Variants in TAFA2 observed in about 807,000 individuals in gnomAD.
The protein encoded by TAFA2 is chemokine-like protein TAFA-2.
In TAFA2, 7 loss-of-function variants were observed where a neutral mutation model predicts 18.8. The observed-to-expected ratio is 0.37, with a 90% confidence interval of 0.21 to 0.70. The LOEUF (loss-of-function observed/expected upper bound fraction) is 0.70, where lower values mean the gene tolerates loss of function less well. Ranked by LOEUF, TAFA2 falls within the 30% of genes least tolerant of loss-of-function variation. The pLI is 0.53. For missense variants in TAFA2, 122 were observed against 158.1 expected (o/e 0.77, Z 1.23); for synonymous variants, 60 against 54.2 (o/e 1.11, Z -0.47).
At chr12:62,091,599 C>G (rs1227943768) in intron 1 of TAFA2, among the ~76,000 whole-genome samples, 1 of 151,908 alleles carries the variant, frequency 6.6e-6, no homozygotes, top group Non-Finnish European at 1.5e-5. Flanking sequence ...ACTGATAGGT[C>G]AGTTGATACT....
intron 1 of TAFA2, among the ~76,000 whole-genome samples, chr12:61,873,793 G>A (rs1029820485): frequency 2.0e-5 from 3 of 152,088 alleles, no homozygotes; most frequent in African/African-American, 7.2e-5. Context: ...CACTATGCCT[G>A]AATATAGAAT....
At chr12:62,210,808 G>C (rs1392891222) in intron 1 of TAFA2, among the ~76,000 whole-genome samples, 2 of 152,126 alleles carry the variant, frequency 1.3e-5, no homozygotes, top group African/African-American at 4.8e-5. Context: ...AAATGAGATA[G>C]AACATAATCG....
At chr12:61,715,070 A>T (rs1869585090) in intron 4 of TAFA2, among the ~76,000 whole-genome samples, 2 of 152,190 alleles carry the variant, frequency 1.3e-5, no homozygotes, top group Admixed American at 6.5e-5. Flanking sequence ...TTGTCCCATT[A>T]AATGGCTTTT....
chr12:62,079,407 C>A (rs1868286060), intron 1 of TAFA2, among the ~76,000 whole-genome samples: 1 of 151,562 alleles, frequency 6.6e-6, no homozygotes, highest in Admixed American at 6.6e-5. Flanking sequence ...AATCCCAGCA[C>A]TTTGGGAGGC....
chr12:61,720,776 C>A, intron 4 of TAFA2: 1 of 397,096 alleles, frequency 2.5e-6, no homozygotes, highest in Non-Finnish European at 5.0e-6. Context: ...CCTTAGAATC[C>A]GACCAACACT....
In TAFA2 at chr12:61,737,319, G is replaced by A. The variant is rs534172851; in HGVS notation, c.384+16303C>T. On this transcript the variant is annotated intron_variant, in intron 4 of 4. Transcript: ENST00000416284. Reference sequence around the variant, plus strand: ...TGCCTAAAATTGAAACATGAAAATTGCATATCTTTTTCAATTTCTCCTAAC... The same window carrying A: ...TGCCTAAAATTGAAACATGAAAATTACATATCTTTTTCAATTTCTCCTAAC... Among the ~76,000 whole-genome samples, 8 of 151,698 alleles carry A rather than the reference G, an allele frequency of 5.3e-5. 1 individual carries two copies. Among genetic ancestry groups the A allele is most frequent in the African/African-American group, 1.7e-4 (7 of 41,416 alleles).
At chr12:62,018,815 T>C (rs1395162677) in intron 1 of TAFA2, among the ~76,000 whole-genome samples, 1 of 152,130 alleles carries the variant, frequency 6.6e-6, no homozygotes, top group Non-Finnish European at 1.5e-5. Flanking sequence ...AAAGCCAAAA[T>C]TGACAAATGG....
At chr12:61,728,191 A>G (rs1870264992) in intron 4 of TAFA2, among the ~76,000 whole-genome samples, 1 of 152,012 alleles carries the variant, frequency 6.6e-6, no homozygotes, top group Non-Finnish European at 1.5e-5. Flanking sequence ...AATAGAATGT[A>G]TATTGTGCAG....
intron 1 of TAFA2, chr12:62,258,135 A>T (rs2062949371): frequency 6.6e-6 from 1 of 152,166 alleles, no homozygotes; most frequent in South Asian, 2.1e-4. Flanking sequence ...AAATCATGTG[A>T]TTGCTGTGAG....
At chr12:61,999,144 C>T (rs1364984692) in intron 1 of TAFA2, among the ~76,000 whole-genome samples, 1 of 152,130 alleles carries the variant, frequency 6.6e-6, no homozygotes, top group Non-Finnish European at 1.5e-5. Flanking sequence ...TGAGAGGAAA[C>T]AGTTCTATTT....
intron 1 of TAFA2, among the ~76,000 whole-genome samples, chr12:61,891,509 G>C (rs1417601205): frequency 6.6e-6 from 1 of 152,150 alleles, no homozygotes; most frequent in Non-Finnish European, 1.5e-5. Flanking sequence ...TTAGCTGGGT[G>C]TGGTGGCGCA....
intron 1 of TAFA2, among the ~76,000 whole-genome samples, chr12:62,172,391 T>C (rs1175638794): frequency 5.9e-5 from 9 of 152,160 alleles, no homozygotes; most frequent in African/African-American, 1.9e-4. Context: ...TCGATGTAAA[T>C]TGAAGTTGTG....
At chr12:62,098,381 T>A (rs971695479) in intron 1 of TAFA2, among the ~76,000 whole-genome samples, 1 of 152,074 alleles carries the variant, frequency 6.6e-6, no homozygotes, top group African/African-American at 2.4e-5. Context: ...TAAACGGATA[T>A]GAAGAGAAAA....
chr12:61,995,704 G>A (rs1421664705), intron 1 of TAFA2, among the ~76,000 whole-genome samples: 1 of 152,048 alleles, frequency 6.6e-6, no homozygotes, highest in Non-Finnish European at 1.5e-5. Flanking sequence ...ATTCAGAATA[G>A]GCACATCAAA....
At chr12:62,020,803 G>C (rs994579015) in intron 1 of TAFA2, among the ~76,000 whole-genome samples, 11 of 152,050 alleles carry the variant, frequency 7.2e-5, no homozygotes, top group African/African-American at 2.7e-4. Flanking sequence ...TATCACAATG[G>C]CCAAAATTTT....
chr12:62,197,996 G>A (rs149368153), intron 1 of TAFA2, among the ~76,000 whole-genome samples: 4 of 152,236 alleles, frequency 2.6e-5, no homozygotes, highest in African/African-American at 9.6e-5. Flanking sequence ...TCATATGGTA[G>A]GGTATGTTTA....
chr12:62,124,591 A>G (rs1870369835), intron 1 of TAFA2, among the ~76,000 whole-genome samples: 1 of 152,308 alleles, frequency 6.6e-6, no homozygotes, highest in Middle Eastern at 3.4e-3. Context: ...AGAATGGTTA[A>G]ATTGGCCTAA....
chr12:62,148,781 A>G (rs2062305623), intron 1 of TAFA2, among the ~76,000 whole-genome samples: 2 of 152,192 alleles, frequency 1.3e-5, no homozygotes, highest in African/African-American at 4.8e-5. Context: ...AACCTTAAAG[A>G]GATTTTTCTG....
chr12:62,245,379 G>T (rs2062880171), intron 1 of TAFA2, among the ~76,000 whole-genome samples: 1 of 151,674 alleles, frequency 6.6e-6, no homozygotes. Flanking sequence ...ATAGATAATT[G>T]ATATTTGTGT....
Sources: allele counts gnomAD v4.1 joint callset (sites outside exome capture counted in the v4.1 genomes callset), GRCh38; gene constraint gnomAD v4.1.1; transcripts MANE v1.5; gene names NCBI Gene and HGNC (gene_info 2026-07-23, HGNC 2026-07-21).